BMPER: variants seen among roughly 807,000 people sequenced by gnomAD.
BMPER encodes the protein BMP binding endothelial regulator.
BMPER carries 45 observed loss-of-function variants against 87.3 expected under a neutral mutation model. That is an observed-to-expected ratio of 0.52 (90% CI 0.41 to 0.66). The LOEUF is 0.66. BMPER is among the 30% of genes least tolerant of loss of function. The pLI is 0.00. For synonymous variants in BMPER, 326 were observed against 316.2 expected, an observed-to-expected ratio of 1.03 and a Z score of -0.33; for missense variants, 784 against 867.5, an observed-to-expected ratio of 0.90 and a Z score of 1.21.
intron 12 of BMPER, among the ~76,000 whole-genome samples, chr7:34,082,287 ATAT>A (rs1789070888): frequency 1.3e-5 from 2 of 148,846 alleles, no homozygotes; most frequent in South Asian, 4.3e-4. Flanking sequence ...CCTATTTAAA[ATAT>A]TATTTGGAAG....
At chr7:34,020,859 AACAC>A (rs61345180) in intron 6 of BMPER, among the ~76,000 whole-genome samples, 10,649 of 146,774 alleles carry the variant, frequency 0.073, 752 homozygotes, top group African/African-American at 0.19. Context: ...TGAATTTCTT[AACAC>A]ACACACACAC....
chr7:34,080,317 T>C (rs1788979284), intron 12 of BMPER, among the ~76,000 whole-genome samples: 2 of 152,156 alleles, frequency 1.3e-5, no homozygotes, highest in Admixed American at 1.3e-4. Flanking sequence ...AGCCAAAAGG[T>C]ATTTTGATAA....
At chr7:34,143,102 C>A in intron 13 of BMPER, 128 bp from the exon 14 acceptor site, 1 of 1,374,984 alleles carries the variant, frequency 7.3e-7, no homozygotes, top group Non-Finnish European at 1.0e-6. Flanking sequence ...TTTAGATTTC[C>A]AGTCTAAAAC....
intron 3 of BMPER, among the ~76,000 whole-genome samples, chr7:33,947,924 A>G (rs1784925931): frequency 6.6e-6 from 1 of 152,156 alleles, no homozygotes; most frequent in Non-Finnish European, 1.5e-5. Flanking sequence ...AGAAACAAAC[A>G]TTTAAAAAAA....
In BMPER at chr7:33,940,723, G is replaced by A. The variant is rs1183809736; in HGVS notation, c.319+3335G>A. 2.6e-5 allele frequency among the ~76,000 whole-genome samples: 4 copies of A among 151,566 alleles called. 1 individual carries two copies. The highest frequency in any genetic ancestry group is 9.7e-5 in the African/African-American group (4 of 41,186). ...TTGACTGTTCTTGCTCAATGAGAGT[G>A]ATTTAGTGAGGAATCATAGTAATGC... On this transcript the variant is annotated intron_variant, in intron 3 of 14. Coordinates refer to ENST00000649409, the MANE Select transcript of BMPER (RefSeq NM_001365308.1).
At chr7:34,101,049 C>T (rs534346326) in intron 13 of BMPER, among the ~76,000 whole-genome samples, 24 of 152,302 alleles carry the variant, frequency 1.6e-4, no homozygotes, top group African/African-American at 4.3e-4. Flanking sequence ...TGACAAGGTC[C>T]GGACATGATC....
intron 11 of BMPER, among the ~76,000 whole-genome samples, chr7:34,069,990 T>G (rs756680718): frequency 1.3e-5 from 2 of 152,172 alleles, no homozygotes; most frequent in Non-Finnish European, 2.9e-5. Context: ...ACTTTCCATA[T>G]CCTTCTTTAG....
intron 13 of BMPER, among the ~76,000 whole-genome samples, chr7:34,137,005 C>G (rs918972490): frequency 6.6e-6 from 1 of 152,210 alleles, no homozygotes; most frequent in East Asian, 1.9e-4. Context: ...AGAGGGGAAA[C>G]CACTCGGATA....
Position 34,085,989 on chromosome 7 carries a change from G to A in BMPER, c.1642G>A (p.Gly548Arg). Residue 548 changes from glycine (G) to arginine (R), a missense_variant, in exon 13 of 15, where the codon GGG (glycine) becomes AGG (arginine). Transcript: ENST00000649409. ...QRKPVPELCQ[G>R]TVKVKLRAHR... ...AAAGCCAGTGCCTGAACTGTGTCAAGGGACAGTCAAGGTAAAGCTCCGGGC... is the reference window on the plus strand; with the variant it reads ...AAAGCCAGTGCCTGAACTGTGTCAAAGGACAGTCAAGGTAAAGCTCCGGGC... 1 of 1,614,126 alleles carries A rather than the reference G, an allele frequency of 6.2e-7. No homozygotes were observed. The highest frequency in any genetic ancestry group is 8.5e-7 in the Non-Finnish European group (1 of 1,180,028).
intron 6 of BMPER, among the ~76,000 whole-genome samples, chr7:34,024,380 A>T (rs1447636846): frequency 1.4e-5 from 1 of 72,822 alleles, no homozygotes; most frequent in African/African-American, 7.0e-5. Context: ...AAAAAAAAAA[A>T]AACAATATAT....
At chr7:34,114,312 A>G (rs1790056512) in intron 13 of BMPER, among the ~76,000 whole-genome samples, 1 of 152,178 alleles carries the variant, frequency 6.6e-6, no homozygotes, top group Non-Finnish European at 1.5e-5. Context: ...GCTGTGTTCA[A>G]CAGTTGTTTA....
At chr7:33,925,338 G>A (rs964688824) in intron 2 of BMPER, among the ~76,000 whole-genome samples, 3 of 151,926 alleles carry the variant, frequency 2.0e-5, no homozygotes, top group Non-Finnish European at 1.5e-5. Context: ...TGCCCTTTTC[G>A]TAGCTTACAT....
At chr7:34,127,286 T>C (rs1467036874) in intron 13 of BMPER, among the ~76,000 whole-genome samples, 1 of 152,188 alleles carries the variant, frequency 6.6e-6, no homozygotes, top group Non-Finnish European at 1.5e-5. Context: ...ATAGGAACAC[T>C]CTGGCTCAAC....
chr7:34,047,823 CCTA>C (rs2127958663), intron 7 of BMPER, among the ~76,000 whole-genome samples: 1 of 149,902 alleles, frequency 6.7e-6, no homozygotes, highest in Non-Finnish European at 1.5e-5. Flanking sequence ...TCCTCACTTT[CCTA>C]CTTTCTTGCT....
chr7:34,095,576 T>C (rs1331224333), intron 13 of BMPER, among the ~76,000 whole-genome samples: 1 of 152,200 alleles, frequency 6.6e-6, no homozygotes, highest in African/African-American at 2.4e-5. Context: ...TGTATGCAAA[T>C]GAAATATTGA....
intron 13 of BMPER, among the ~76,000 whole-genome samples, chr7:34,116,753 G>T (rs188113078): frequency 1.2e-4 from 18 of 152,296 alleles, no homozygotes; most frequent in Admixed American, 2.6e-4. Context: ...ACTTTGGGAG[G>T]CTGAGGTGGG....
At chr7:34,152,324 A>T (rs1375066046) in intron 14 of BMPER, among the ~76,000 whole-genome samples, 3 of 152,182 alleles carry the variant, frequency 2.0e-5, no homozygotes, top group Non-Finnish European at 2.9e-5. Context: ...CTGTCACTGG[A>T]TGTAACTCAG....
intron 13 of BMPER, among the ~76,000 whole-genome samples, chr7:34,129,598 G>A (rs552359147): frequency 8.8e-4 from 110 of 125,372 alleles, no homozygotes; most frequent in South Asian, 1.5e-3. Flanking sequence ...GAGAGAGAGA[G>A]AGAGAGAGAG....
rs188607594 is a variant in BMPER at position 34,094,589 on chromosome 7, C to G, written c.1745+8497C>G. Among the ~76,000 whole-genome samples, 15 of 152,330 alleles carry G rather than the reference C, an allele frequency of 9.8e-5. No homozygotes were observed. The East Asian group carries it at 2.7e-3, about 27-fold the overall frequency. On this transcript the variant is annotated intron_variant, in intron 13 of 14. Transcript: ENST00000649409. The stretch of plus-strand genomic sequence containing the variant: ...TACAATGGTACGAATGAGTGTGGTA[C>G]AGGTGTCAAGTTGGTTTTGCAGCCA...
Sources: gnomAD v4.1 joint callset for allele counts (sites outside exome capture counted in the v4.1 genomes callset) on GRCh38, gnomAD v4.1.1 for gene constraint, MANE v1.5 for transcripts, NCBI Gene and HGNC (gene_info 2026-07-23, HGNC 2026-07-21) for gene names.